Variants in DPYD observed in about 807,000 individuals in gnomAD.
The protein encoded by DPYD is dihydropyrimidine dehydrogenase.
DPYD carries 109 observed loss-of-function variants against 116.2 expected under a neutral mutation model. That is an observed-to-expected ratio of 0.94 (90% CI 0.80 to 1.10). The LOEUF (loss-of-function observed/expected upper bound fraction) is 1.10, where lower values mean the gene tolerates loss of function less well. Among genes scored for constraint, DPYD ranks in the 50% least tolerant of loss-of-function variants. The probability of loss-of-function intolerance (pLI) is 0.00; values close to 1 mark genes in which losing one functional copy is unlikely to be tolerated. For missense variants in DPYD, 1,302 were observed against 1,254.5 expected (o/e 1.04, Z -0.57); for synonymous variants, 440 against 432.0 (o/e 1.02, Z -0.23).
chr1:97,427,489 C>G (rs1199487471), intron 14 of DPYD, among the ~76,000 whole-genome samples: 1 of 152,048 alleles, frequency 6.6e-6, no homozygotes, highest in Non-Finnish European at 1.5e-5. Context: ...TCACTCTATA[C>G]TAGGTACCAA....
intron 16 of DPYD, among the ~76,000 whole-genome samples, chr1:97,307,826 C>A (rs565787203): frequency 6.6e-6 from 1 of 151,970 alleles, no homozygotes; most frequent in African/African-American, 2.4e-5. Context: ...ATTATGAAGG[C>A]AGTTGCATCT....
intron 20 of DPYD, among the ~76,000 whole-genome samples, chr1:97,147,647 A>G (rs1381167569): frequency 6.6e-6 from 1 of 152,188 alleles, no homozygotes; most frequent in Non-Finnish European, 1.5e-5. Context: ...AGACTATCCA[A>G]AATGCTCCTT....
At chr1:97,377,055 T>A (rs2101538755) in intron 15 of DPYD, among the ~76,000 whole-genome samples, 1 of 150,952 alleles carries the variant, frequency 6.6e-6, no homozygotes, top group Admixed American at 6.6e-5. Flanking sequence ...AAGCTAGAAC[T>A]CCAAAAAATA....
intron 3 of DPYD, among the ~76,000 whole-genome samples, chr1:97,823,412 ATTT>A (rs1309180503): frequency 6.6e-6 from 1 of 152,064 alleles, no homozygotes; most frequent in Non-Finnish European, 1.5e-5. Flanking sequence ...TTCTCACGTT[ATTT>A]TAAAGTATAC....
intron 8 of DPYD, among the ~76,000 whole-genome samples, chr1:97,663,568 T>G (rs1035703273): frequency 3.3e-5 from 5 of 152,196 alleles, no homozygotes; most frequent in African/African-American, 1.2e-4. Flanking sequence ...CACCCAGTGC[T>G]GGTCTTGCTC....
At chr1:97,354,261 C>T (rs552304296) in intron 16 of DPYD, among the ~76,000 whole-genome samples, 2 of 152,224 alleles carry the variant, frequency 1.3e-5, no homozygotes, top group East Asian at 3.9e-4. Context: ...CCACAAAAGA[C>T]CAGGCTAGAC....
At chr1:97,913,882 T>G (rs1558050520) in intron 1 of DPYD, among the ~76,000 whole-genome samples, 1 of 151,946 alleles carries the variant, frequency 6.6e-6, no homozygotes, top group Non-Finnish European at 1.5e-5. Context: ...GCTCCATCCA[T>G]GATCGCCTCC....
chr1:97,276,561 T>C (rs1233065701), intron 18 of DPYD, among the ~76,000 whole-genome samples: 18 of 151,668 alleles, frequency 1.2e-4, no homozygotes, highest in Non-Finnish European at 5.9e-5. Flanking sequence ...GAAAAAATGT[T>C]CAACATCATT....
chr1:97,641,303 T>A (rs1398758888), intron 8 of DPYD, among the ~76,000 whole-genome samples: 5 of 151,996 alleles, frequency 3.3e-5, no homozygotes, highest in Admixed American at 3.3e-4. Flanking sequence ...TTTGGAGACA[T>A]ATATAATGAG....
intron 19 of DPYD, among the ~76,000 whole-genome samples, chr1:97,196,344 G>A (rs1432753935): frequency 6.6e-6 from 1 of 151,944 alleles, no homozygotes; most frequent in Non-Finnish European, 1.5e-5. Flanking sequence ...TCAAACTCCT[G>A]AGCTCAAGCA....
chr1:97,641,931 A>G (rs1657932022), intron 8 of DPYD, among the ~76,000 whole-genome samples: 1 of 152,232 alleles, frequency 6.6e-6, no homozygotes, highest in Non-Finnish European at 1.5e-5. Context: ...ATGTGCAAAA[A>G]TCACAAGCAT....
intron 8 of DPYD, among the ~76,000 whole-genome samples, chr1:97,632,941 A>T (rs976326278): frequency 6.6e-6 from 1 of 152,096 alleles, no homozygotes; most frequent in Non-Finnish European, 1.5e-5. Context: ...CAACATTCAC[A>T]TTACTAAATA....
intron 4 of DPYD, among the ~76,000 whole-genome samples, chr1:97,738,933 G>T (rs1664107471): frequency 6.6e-6 from 1 of 151,908 alleles, no homozygotes; most frequent in South Asian, 2.1e-4. Flanking sequence ...CATTTGTGTA[G>T]ACCTTGAATA....
chr1:97,724,302 GGGGGGGTGTGTGTGTGTGTGTGTGT>G (rs1663100340), intron 4 of DPYD, among the ~76,000 whole-genome samples: 5 of 14,922 alleles, frequency 3.4e-4, no homozygotes, highest in African/African-American at 1.3e-3. Context: ...GTGGGGGGGG[GGGGGGGTGTGTGTGTGTGTGTGTGT>G]GTGTGTGTGT....
In DPYD at chr1:97,397,149, G is replaced by A. The variant is rs563356842; in HGVS notation, c.1906-14688C>T. Among the ~76,000 whole-genome samples the A allele has an allele frequency of 3.8e-4, 58 of 151,960 alleles. 1 individual carries two copies. Among genetic ancestry groups the A allele is most frequent in the Admixed American group, 3.6e-3 (55 of 15,232 alleles). ...TATTAATAAATTTTTTAAACCTTCC[G>A]TTTCATCCCTATGAAGATTGTAATA... On this transcript the variant is annotated intron_variant, in intron 14 of 22. Transcript: ENST00000370192.
intron 13 of DPYD, among the ~76,000 whole-genome samples, chr1:97,498,838 A>G (rs1031701737): frequency 2.0e-5 from 3 of 151,726 alleles, no homozygotes; most frequent in Non-Finnish European, 3.0e-5. Flanking sequence ...CTTAGTGATA[A>G]TGAACATACA....
intron 3 of DPYD, among the ~76,000 whole-genome samples, chr1:97,758,930 A>G (rs910778664): frequency 6.6e-6 from 1 of 152,190 alleles, no homozygotes; most frequent in African/African-American, 2.4e-5. Flanking sequence ...TGGCTAAGCC[A>G]CTTAATCTTT....
intron 16 of DPYD, among the ~76,000 whole-genome samples, chr1:97,309,834 A>C (rs2101052887): frequency 6.6e-6 from 1 of 151,904 alleles, no homozygotes; most frequent in African/African-American, 2.4e-5. Context: ...CAAGATAATA[A>C]TTTTTAATTC....
Position 97,078,998 on chromosome 1 carries a change from A to T in DPYD, c.3056T>A (p.Leu1019Ter), listed in dbSNP as rs1648968451. The change falls in exon 23 of 23, where the codon TTA becomes TAA. Residue 1019 changes from leucine to a stop codon, truncating the protein, a stop_gained. Coordinates refer to ENST00000370192, the MANE Select transcript of DPYD (RefSeq NM_000110.4). LOFTEE classifies it high-confidence loss of function. ...TPYEPKRGVP[L>*]SVNPVC ...ACCTTAACACACCGGATTCACAGAT[A>T]AGGGTACGCCTCTCTTTGGTTCATA... 4 of 1,613,712 alleles carry T rather than the reference A, an allele frequency of 2.5e-6. No homozygotes were observed. The highest frequency in any genetic ancestry group is 3.4e-6 in the Non-Finnish European group (4 of 1,179,674).
Sources: allele counts gnomAD v4.1 joint callset (sites outside exome capture counted in the v4.1 genomes callset), GRCh38; gene constraint gnomAD v4.1.1; transcripts MANE v1.5; gene names NCBI Gene and HGNC (gene_info 2026-07-23, HGNC 2026-07-21).